Variants in PDS5B observed in about 807,000 individuals in gnomAD.
PDS5B encodes PDS5 cohesin associated factor B.
PDS5B carries 51 observed loss-of-function variants against 184.1 expected under a neutral mutation model. That is an observed-to-expected ratio of 0.28 (90% confidence interval 0.22 to 0.35). PDS5B has a LOEUF of 0.35. PDS5B is among the 10% of genes least tolerant of loss of function. The pLI is 1.00. For missense variants in PDS5B, 1,180 were observed against 1,723.3 expected, an observed-to-expected ratio of 0.68 and a Z score of 5.58; for synonymous variants, 566 against 569.2, an observed-to-expected ratio of 0.99 and a Z score of 0.08.
intron 19 of PDS5B, among the ~76,000 whole-genome samples, chr13:32,718,692 A>T (rs1593506514): frequency 6.6e-6 from 1 of 152,360 alleles, no homozygotes; most frequent in East Asian, 1.9e-4. Context: ...GGAAAGGAAG[A>T]AGCTTTCATT....
chr13:32,587,033 C>T (rs953977957), intron 1 of PDS5B, among the ~76,000 whole-genome samples: 1 of 145,400 alleles, frequency 6.9e-6, no homozygotes, highest in African/African-American at 2.5e-5. Context: ...CCCCCGCGCC[C>T]CGGCCGGCCG....
intron 1 of PDS5B, among the ~76,000 whole-genome samples, chr13:32,641,144 T>C (rs1950077959): frequency 6.6e-6 from 1 of 152,194 alleles, no homozygotes; most frequent in Non-Finnish European, 1.5e-5. Flanking sequence ...TATATGACTA[T>C]TTTCTAAGTG....
chr13:32,640,198 GA>G (rs1308690927), intron 1 of PDS5B, among the ~76,000 whole-genome samples: 1 of 151,872 alleles, frequency 6.6e-6, no homozygotes, highest in Non-Finnish European at 1.5e-5. Context: ...TTTAATTAAT[GA>G]TCATTTTATT....
At chr13:32,591,279 C>A (rs1015563670) in intron 1 of PDS5B, among the ~76,000 whole-genome samples, 11 of 152,138 alleles carry the variant, frequency 7.2e-5, no homozygotes, top group African/African-American at 2.6e-4. Flanking sequence ...CAGGCGTGTG[C>A]CACCATGCCC....
At chr13:32,750,000 A>G (rs1322339980) in intron 24 of PDS5B, among the ~76,000 whole-genome samples, 1 of 152,210 alleles carries the variant, frequency 6.6e-6, no homozygotes, top group African/African-American at 2.4e-5. Flanking sequence ...AAGGATAATC[A>G]TCTTTGCAGA....
chr13:32,715,463 G>T (rs1185920558), intron 19 of PDS5B, among the ~76,000 whole-genome samples: 1 of 151,968 alleles, frequency 6.6e-6, no homozygotes, highest in African/African-American at 2.4e-5. Flanking sequence ...TATCATTTTA[G>T]TTTAATTATT....
At chr13:32,628,329 G>T (rs1378732948) in intron 1 of PDS5B, among the ~76,000 whole-genome samples, 1 of 151,890 alleles carries the variant, frequency 6.6e-6, no homozygotes, top group Non-Finnish European at 1.5e-5. Context: ...GGCTATGGTG[G>T]GTGGATCACT....
rs1486715260 is a variant in PDS5B at position 32,640,797 on chromosome 13, G to C, written c.-19-7957G>C. On this transcript the variant is annotated intron_variant, in intron 1 of 34. Coordinates refer to ENST00000315596, the MANE Select transcript of PDS5B (RefSeq NM_015032.4). ...TGGCCAGGTGTGGTGGCTCACGCCT[G>C]TAATCCCAGCACTTTGGGAGGCCGA... Among the ~76,000 whole-genome samples, 3 of 151,256 alleles carry C rather than the reference G, an allele frequency of 2.0e-5. No individual in the cohort carries two copies. The East Asian group carries it at 5.9e-4, about 30-fold the overall frequency.
chr13:32,602,511 G>A (rs184673864), intron 1 of PDS5B, among the ~76,000 whole-genome samples: 2 of 152,210 alleles, frequency 1.3e-5, no homozygotes, highest in Admixed American at 1.3e-4. Flanking sequence ...TGGACATTTG[G>A]GTTGGTTCTA....
At chr13:32,610,109 G>C (rs569604208) in intron 1 of PDS5B, among the ~76,000 whole-genome samples, 2 of 152,242 alleles carry the variant, frequency 1.3e-5, no homozygotes, top group Middle Eastern at 3.4e-3. Flanking sequence ...GAGTATATGG[G>C]CATAGATGCA....
At chr13:32,698,197 G>GA (rs1951762065) in intron 15 of PDS5B, among the ~76,000 whole-genome samples, 1 of 152,004 alleles carries the variant, frequency 6.6e-6, no homozygotes, top group African/African-American at 2.4e-5. Flanking sequence ...ATGCTAAATT[G>GA]AAAGAGTTTT....
intron 24 of PDS5B, among the ~76,000 whole-genome samples, chr13:32,752,339 G>C (rs752832277): frequency 6.6e-6 from 1 of 151,948 alleles, no homozygotes; most frequent in Non-Finnish European, 1.5e-5. Context: ...TATAGGATTT[G>C]GTACTATCCT....
chr13:32,757,936 T>C, intron 26 of PDS5B, 151 bp from the exon 27 acceptor site: 1 of 393,396 alleles, frequency 2.5e-6, no homozygotes, highest in East Asian at 4.0e-5. Flanking sequence ...ATATTCTTTT[T>C]CCCTGCTGGT....
intron 1 of PDS5B, among the ~76,000 whole-genome samples, chr13:32,623,154 A>T (rs972967174): frequency 6.6e-6 from 1 of 152,214 alleles, no homozygotes; most frequent in South Asian, 2.1e-4. Context: ...GGTATGGGTC[A>T]CCAGCCCTGT....
chr13:32,704,202 T>C (rs1358525805), intron 17 of PDS5B, among the ~76,000 whole-genome samples: 1 of 151,880 alleles, frequency 6.6e-6, no homozygotes, highest in Non-Finnish European at 1.5e-5. Flanking sequence ...TAAGTCTCAC[T>C]CTGTTGCCCA....
chr13:32,596,636 TACATCCTCACCAACAC>T (rs2057875738), intron 1 of PDS5B, among the ~76,000 whole-genome samples: 1 of 152,186 alleles, frequency 6.6e-6, no homozygotes, highest in African/African-American at 2.4e-5. Flanking sequence ...CTAGTTGTTT[TACATCCTCACCAACAC>T]TTGGTTAGTC....
chr13:32,587,169 G>A (rs2057699052), intron 1 of PDS5B, among the ~76,000 whole-genome samples: 1 of 148,916 alleles, frequency 6.7e-6, no homozygotes, highest in African/African-American at 2.4e-5. Flanking sequence ...GGGCGCTCTC[G>A]CCCCCGCCGC....
At position 32,770,356 on chromosome 13, in the gene PDS5B, A is replaced by G. The variant is rs761049443; in HGVS notation, c.3860A>G (p.Lys1287Arg). The G allele has an allele frequency of 6.2e-7, 1 of 1,613,772 alleles. No individual in the cohort carries two copies. The highest frequency in any genetic ancestry group is 2.2e-5 in the East Asian group (1 of 44,848). Residue 1287 changes from lysine to arginine, a missense_variant, in exon 32 of 35, where the codon AAG becomes AGG. Lys to Arg is a conservative substitution (Grantham distance 26, BLOSUM62 2). This residue lies in a region of PDS5B where 465 missense variants were observed against 497.8 expected (regional missense o/e 0.93). Transcript: ENST00000315596. ...GATGAACAGAATAGTCCGCCAAAAA[A>G]GGGTAAAAGAGGCCGACCACCAAAA... ...NEDEQNSPPK[K>R]GKRGRPPKPL...
In PDS5B at chr13:32,777,276, A is replaced by G. The variant is rs539733597; in HGVS notation, c.*2224A>G. 19 of 151,838 alleles carry G rather than the reference A, an allele frequency of 1.3e-4. No homozygotes were observed. The highest frequency in any genetic ancestry group is 7.7e-4 in the East Asian group (4 of 5,178). 9.4% of individuals were successfully genotyped at this position (151,838 alleles called of 1,614,324 possible). Reference sequence around the variant, plus strand: ...GTAGATTTTGTTATGTTCAATGCCAATGAGTCTGTAATTTTACGACCTGTC... The same window carrying G: ...GTAGATTTTGTTATGTTCAATGCCAGTGAGTCTGTAATTTTACGACCTGTC... On this transcript the variant is annotated 3_prime_UTR_variant, in exon 35 of 35. Coordinates refer to ENST00000315596, the MANE Select transcript of PDS5B (RefSeq NM_015032.4).
Sources: allele counts gnomAD v4.1 joint callset (sites outside exome capture counted in the v4.1 genomes callset), GRCh38; gene constraint gnomAD v4.1.1; regional missense constraint gnomAD v4.1.1; transcripts MANE v1.5; gene names NCBI Gene and HGNC (gene_info 2026-07-23, HGNC 2026-07-21).